TASOR2: variants seen among roughly 807,000 people sequenced by gnomAD.
The protein encoded by TASOR2 is protein TASOR 2.
In TASOR2, 84 loss-of-function variants were observed where a neutral mutation model predicts 199.5. That is an observed-to-expected ratio of 0.42 (90% CI 0.35 to 0.50). TASOR2 has a LOEUF of 0.50. TASOR2 is among the 20% of genes least tolerant of loss of function. TASOR2 has a pLI of 0.02. For missense variants in TASOR2, 2,796 were observed against 2,835.9 expected (o/e 0.99, Z 0.32); for synonymous variants, 1,103 against 1,046.6 (o/e 1.05, Z -1.04).
rs1045854347 is a variant in TASOR2, at chr10:5,712,823, T to C, written c.-287T>C. The C allele has an allele frequency of 4.1e-6, 5 of 1,218,332 alleles. No homozygotes were observed. In the African/African-American group the frequency reaches 4.7e-5, roughly 11 times the overall value. 75.5% of individuals were successfully genotyped at this position (1,218,332 alleles called of 1,614,324 possible). ...GTTATTCTGTTCTCTCTTTATACAG[T>C]ACAAAACTTTTTACCAACAAAAAAA... On this transcript the variant is annotated splice_region_variant and 5_prime_UTR_variant, in exon 2 of 21. Transcript: ENST00000328090.
chr10:5,706,927 C>T lies in TASOR2; in HGVS notation c.-287-5896C>T, dbSNP rs1011074805. ...CCGAGGCAAGAGAGTTGCTTGAACCCGGGAGGTGGAGGTTGCAGTGAACCA... is the reference window on the plus strand; with the variant it reads ...CCGAGGCAAGAGAGTTGCTTGAACCTGGGAGGTGGAGGTTGCAGTGAACCA... On this transcript the variant is annotated intron_variant, in intron 1 of 20. Transcript: ENST00000328090. This position sits in a 1 kb window ranked among gnomAD's most constrained non-coding sequence, Gnocchi z 4.8. 3.3e-5 allele frequency among the ~76,000 whole-genome samples: 5 copies of T among 151,724 alleles called. No individual in the cohort carries two copies. The highest frequency in any genetic ancestry group is 9.7e-5 in the African/African-American group (4 of 41,264).
At position 5,690,599 on chromosome 10, in the gene TASOR2, T is replaced by C. The variant is rs1407604146; in HGVS notation, c.-288+5424T>C. ...GGCATAAATCAGATGTCACGTTCTC[T>C]TTTGCCATATGTAATAATCAAGAGT... On this transcript the variant is annotated intron_variant, in intron 1 of 20. Transcript: ENST00000328090. The surrounding 1 kb of genome is among the most constrained non-coding windows in gnomAD (Gnocchi z 4.8). Among the ~76,000 whole-genome samples the C allele has an allele frequency of 1.3e-5, 2 of 152,230 alleles. No homozygotes were observed. Among genetic ancestry groups the C allele is most frequent in the Non-Finnish European group, 2.9e-5 (2 of 68,038 alleles).
chr10:5,685,931 A>T lies in TASOR2; in HGVS notation c.-288+756A>T, dbSNP rs1226200729. On this transcript the variant is annotated intron_variant, in intron 1 of 20. Transcript: ENST00000328090. This position sits in a 1 kb window ranked among gnomAD's most constrained non-coding sequence, Gnocchi z 5.4. Reference sequence around the variant, plus strand: ...TATCCAAAACTTAAATATGTGGCGTACAAGTGTATGGTATTATTGGAATGG... The same window carrying T: ...TATCCAAAACTTAAATATGTGGCGTTCAAGTGTATGGTATTATTGGAATGG... 6.6e-6 allele frequency among the ~76,000 whole-genome samples: 1 copy of T among 152,250 alleles called. No individual in the cohort carries two copies. Among genetic ancestry groups the T allele is most frequent in the Admixed American group, 6.5e-5 (1 of 15,284 alleles).
chr10:5,708,541 T>C (rs1831433803), intron 1 of TASOR2, among the ~76,000 whole-genome samples: 1 of 149,892 alleles, frequency 6.7e-6, no homozygotes, highest in African/African-American at 2.5e-5. Flanking sequence ...CTTTCCTTTC[T>C]TTCTCTTTCT....
rs924203189 is a variant in TASOR2, at chr10:5,742,434, T to C, written c.2665T>C (p.Cys889Arg). The C allele has an allele frequency of 1.9e-6, 3 of 1,614,112 alleles. No homozygotes were observed. ...ACCACTTACCCAAGGCTTGGAACTC[T>C]GTGTACAAAATGAACAGAAAAAAAC... The change falls in exon 14 of 21, where the codon TGT becomes CGT. Residue 889 changes from cysteine to arginine, a missense_variant. By Grantham distance (180) the Cys-to-Arg change is radical. Around this residue, in one of 3 missense-constraint regions of TASOR2, gnomAD observed 1,941 missense variants for 1,924.9 expected, o/e 1.01. Transcript: ENST00000328090. The surrounding 1 kb of genome is among the most constrained non-coding windows in gnomAD (Gnocchi z 4.2).
chr10:5,688,777 T>G, intron 1 of TASOR2, among the ~76,000 whole-genome samples: 1 of 151,476 alleles, frequency 6.6e-6, no homozygotes, highest in Admixed American at 6.6e-5. Context: ...GAAGTTGAGC[T>G]GGGAGGATTG....
chr10:5,725,390 CAAAAAAAAAAAAAAAAAAAA>C (rs59186946), intron 8 of TASOR2, among the ~76,000 whole-genome samples: 9 of 78,970 alleles, frequency 1.1e-4, no homozygotes, highest in African/African-American at 4.3e-4. Context: ...GACTCCATCT[CAAAAAAAAAAAAAAAAAAAA>C]AAAAAAAAAA....
chr10:5,710,165 C>T lies in TASOR2; in HGVS notation c.-287-2658C>T, dbSNP rs1482474727. Among the ~76,000 whole-genome samples the T allele has an allele frequency of 6.6e-6, 1 of 152,048 alleles. No individual in the cohort carries two copies. The highest frequency in any genetic ancestry group is 1.5e-5 in the Non-Finnish European group (1 of 67,960). On this transcript the variant is annotated intron_variant, in intron 1 of 20. Transcript: ENST00000328090. This position sits in a 1 kb window ranked among gnomAD's most constrained non-coding sequence, Gnocchi z 4.6. The stretch of plus-strand genomic sequence containing the variant: ...AGTGTATTTTGTAAAGAAGGGAGAG[C>T]GTCAAATTTCTAGATGAAATTTTCA...
At chr10:5,731,629 T>C (rs1309298097) in intron 11 of TASOR2, among the ~76,000 whole-genome samples, 1 of 152,212 alleles carries the variant, frequency 6.6e-6, no homozygotes, top group African/African-American at 2.4e-5. Context: ...CACCATCATT[T>C]CTCTCCAGGC....
Position 5,720,821 on chromosome 10 carries a change from A to G in TASOR2, c.46+47A>G. 1 of 1,596,132 alleles carries G rather than the reference A, an allele frequency of 6.3e-7. No homozygotes were observed. Among genetic ancestry groups the G allele is most frequent in the South Asian group, 1.2e-5 (1 of 86,440 alleles). On this transcript the variant is annotated intron_variant, in intron 5 of 20. Transcript: ENST00000328090. The surrounding 1 kb of genome is among the most constrained non-coding windows in gnomAD (Gnocchi z 5.3). ...CTTTTAGGTTTTTTTTTTCTTGAGT[A>G]AATGTTTCATCATAAATAATCAGTT...
chr10:5,688,423 A>G (rs1252418594), intron 1 of TASOR2, among the ~76,000 whole-genome samples: 1 of 54,706 alleles, frequency 1.8e-5, no homozygotes, highest in Admixed American at 1.9e-4. Flanking sequence ...TTTTTTTTGT[A>G]GAGACAGTAT....
chr10:5,739,974 G>C, exon 13 of TASOR2: 1 of 1,614,134 alleles, frequency 6.2e-7, no homozygotes, highest in Non-Finnish European at 8.5e-7. Flanking sequence ...CCCATCTTCT[G>C]ATAGGAAGAG....
chr10:5,731,467 G>T (rs1349987338), intron 11 of TASOR2, among the ~76,000 whole-genome samples: 1 of 152,210 alleles, frequency 6.6e-6, no homozygotes. Context: ...GACAGAGGTT[G>T]CAGTGAGCCG....
chr10:5,685,631 C>A lies in TASOR2; in HGVS notation c.-288+456C>A, dbSNP rs191736583. 8.7e-3 allele frequency among the ~76,000 whole-genome samples: 1,331 copies of A among 152,286 alleles called. 6 individuals are homozygous for A. The highest frequency in any genetic ancestry group is 0.013 in the Non-Finnish European group (880 of 68,036). ...TTTCTTTTTAGGGTAAAACAGGTCT[C>A]TCCGAAGGGAGGGTCATTTCAGCAG... On this transcript the variant is annotated intron_variant, in intron 1 of 20. Transcript: ENST00000328090. The surrounding 1 kb of genome is among the most constrained non-coding windows in gnomAD (Gnocchi z 5.4).
chr10:5,708,747 G>GC (rs1831535643), intron 1 of TASOR2, among the ~76,000 whole-genome samples: 1 of 150,736 alleles, frequency 6.6e-6, no homozygotes, highest in Non-Finnish European at 1.5e-5. Context: ...TGTTACCCAG[G>GC]CTGGAGTTCA....
chr10:5,746,814 A>C (rs201293048), exon 15 of TASOR2: 247 of 1,614,056 alleles, frequency 1.5e-4, no homozygotes, highest in Non-Finnish European at 1.9e-4. Flanking sequence ...CAGTAGGTGG[A>C]GAGACACTTG....
chr10:5,754,364 G>A lies in TASOR2; in HGVS notation c.6607-2249G>A, dbSNP rs1838531169. Reference sequence around the variant, plus strand: ...TTCATGAAGAAGAGAGCATGGCAATGCTAAGTTTTATTCATAGCAGAAGTA... The same window carrying A: ...TTCATGAAGAAGAGAGCATGGCAATACTAAGTTTTATTCATAGCAGAAGTA... On this transcript the variant is annotated intron_variant, in intron 15 of 20. Transcript: ENST00000328090. This position sits in a 1 kb window ranked among gnomAD's most constrained non-coding sequence, Gnocchi z 4.3. Among the ~76,000 whole-genome samples the A allele has an allele frequency of 6.6e-6, 1 of 151,980 alleles. No individual in the cohort carries two copies. The highest frequency in any genetic ancestry group is 2.4e-5 in the African/African-American group (1 of 41,372).
Position 5,750,138 on chromosome 10 carries a change from T to G in TASOR2, c.6606+111T>G. 1 of 1,216,926 alleles carries G rather than the reference T, an allele frequency of 8.2e-7. No homozygotes were observed. The highest frequency in any genetic ancestry group is 1.1e-6 in the Non-Finnish European group (1 of 904,106). 75.4% of individuals were successfully genotyped at this position (1,216,926 alleles called of 1,614,324 possible). A position where few individuals can be genotyped will look rare whatever the true frequency, so the allele number is the denominator to read the frequency against. ...AAGAAATCATGGTATGACATAGTAT[T>G]TAAATTTCACAGCTTAGTCTTTATC... is the stretch of plus-strand genomic sequence containing the variant. On this transcript the variant is annotated intron_variant, in intron 15 of 20. Coordinates refer to ENST00000328090, the Ensembl canonical transcript of TASOR2. This position sits in a 1 kb window ranked among gnomAD's most constrained non-coding sequence, Gnocchi z 5.4.
rs1835750278 is a variant in TASOR2, at chr10:5,737,286, T to C, written c.1447+1740T>C. 6.6e-6 allele frequency among the ~76,000 whole-genome samples: 1 copy of C among 152,074 alleles called. No homozygotes were observed. The highest frequency in any genetic ancestry group is 2.1e-4 in the South Asian group (1 of 4,818). On this transcript the variant is annotated intron_variant, in intron 12 of 20. Transcript: ENST00000328090. The surrounding 1 kb of genome is among the most constrained non-coding windows in gnomAD (Gnocchi z 4.9). Reference sequence around the variant, plus strand: ...CAGCCAGGTTTGTTTTTTTTAGTTTTTTTGTTTTTTTTTTCAACTTAAGCA... The same window carrying C: ...CAGCCAGGTTTGTTTTTTTTAGTTTCTTTGTTTTTTTTTTCAACTTAAGCA...
Sources: gnomAD v4.1 joint callset for allele counts (sites outside exome capture counted in the v4.1 genomes callset) on GRCh38, gnomAD v4.1.1 for gene constraint, gnomAD v4.1.1 regional missense constraint, Gnocchi (gnomAD v3.1) non-coding constraint, MANE v1.5 for transcripts, NCBI Gene and HGNC (gene_info 2026-07-23, HGNC 2026-07-21) for gene names.